N4BP2L1: variants seen among roughly 807,000 people sequenced by gnomAD.
N4BP2L1 encodes the protein NEDD4-binding protein 2-like 1.
A neutral mutation model predicts 21.2 loss-of-function variants in N4BP2L1; 12 were observed. The observed-to-expected ratio is 0.57, with a 90% CI of 0.36 to 0.92. N4BP2L1 has a LOEUF of 0.92. N4BP2L1 is among the 40% of genes least tolerant of loss of function. N4BP2L1 has a pLI of 0.01. For missense variants in N4BP2L1, 259 were observed against 310.6 expected (o/e 0.83, Z 1.25); for synonymous variants, 104 against 112.8 (o/e 0.92, Z 0.49).
rs536168258 is a variant in N4BP2L1 at position 32,400,812 on chromosome 13, C to G, written c.*2130G>C. 1 of 152,260 alleles carries G rather than the reference C, an allele frequency of 6.6e-6. No homozygotes were observed. The highest frequency in any genetic ancestry group is 1.5e-5 in the Non-Finnish European group (1 of 68,018). The allele number at this position is 152,260 out of a possible 1,614,324, so 9.4% of individuals were successfully genotyped here. A position where few individuals can be genotyped will look rare whatever the true frequency, so the allele number is the denominator to read the frequency against. On this transcript the variant is annotated 3_prime_UTR_variant, in exon 5 of 5. Coordinates refer to ENST00000380130, the MANE Select transcript of N4BP2L1 (RefSeq NM_052818.3). Reference sequence around the variant, plus strand: ...GCATTTGCCAGTTCTATGAATGATGCAAACAGCGAACACAATACAAGTCAA... The same window carrying G: ...GCATTTGCCAGTTCTATGAATGATGGAAACAGCGAACACAATACAAGTCAA...
intron 2 of N4BP2L1, 143 bp downstream of exon 2, chr13:32,407,501 AG>A (rs747746513): frequency 1.3e-6 from 2 of 1,582,642 alleles, no homozygotes; most frequent in South Asian, 2.3e-5. Context: ...GAATCTAAGG[AG>A]GTTATGCTCT....
intron 1 of N4BP2L1, among the ~76,000 whole-genome samples, chr13:32,413,529 G>A (rs532056922): frequency 6.6e-6 from 1 of 152,248 alleles, no homozygotes; most frequent in South Asian, 2.1e-4. Context: ...TAAATTCAAT[G>A]CTAAGTTCGA....
At chr13:32,408,644 C>T (rs910068498) in intron 1 of N4BP2L1, among the ~76,000 whole-genome samples, 7 of 152,158 alleles carry the variant, frequency 4.6e-5, no homozygotes, top group African/African-American at 1.4e-4. Context: ...GCTTCCTTTC[C>T]GCATCTGTAA....
In N4BP2L1 at chr13:32,402,789, G is replaced by T. The variant is rs138511137; in HGVS notation, c.*153C>A. 4.6e-5 allele frequency: 64 copies of T among 1,400,396 alleles called. No homozygotes were observed. In the Middle Eastern group the frequency reaches 1.2e-3, roughly 25 times the overall value. The allele number at this position is 1,400,396 out of a possible 1,614,324, so 86.7% of individuals were successfully genotyped here. On this transcript the variant is annotated 3_prime_UTR_variant, in exon 5 of 5. Coordinates refer to ENST00000380130, the MANE Select transcript of N4BP2L1 (RefSeq NM_052818.3). ...TATAGAAGCACTTTAACAAATTTTG[G>T]TGAAGAAAGTGAATATAATGACTTT...
chr13:32,400,991 A>G lies in N4BP2L1; in HGVS notation c.*1951T>C, dbSNP rs2073101225. 6.6e-6 allele frequency: 1 copy of G among 152,222 alleles called. No homozygotes were observed. Among genetic ancestry groups the G allele is most frequent in the Non-Finnish European group, 1.5e-5 (1 of 68,036 alleles). The allele number at this position is 152,222 out of a possible 1,614,324, so 9.4% of individuals were successfully genotyped here. On this transcript the variant is annotated 3_prime_UTR_variant, in exon 5 of 5. Transcript: ENST00000380130. ...CAGCTAGGGAAAGAAGAGACATTAA[A>G]TAGGCCAGGAAACTATTCTTTAGAG...
At chr13:32,404,167 T>A in intron 4 of N4BP2L1, 154 bp downstream of exon 4, 2 of 1,611,912 alleles carry the variant, frequency 1.2e-6, no homozygotes, top group Non-Finnish European at 1.7e-6. Context: ...AGTCTTCACA[T>A]TAATAATTCC....
intron 1 of N4BP2L1, among the ~76,000 whole-genome samples, chr13:32,413,358 T>C (rs910337875): frequency 6.6e-6 from 1 of 152,258 alleles, no homozygotes; most frequent in Non-Finnish European, 1.5e-5. Flanking sequence ...GTCCTCATGC[T>C]GTTTTGGTTT....
chr13:32,427,979 G>A lies in N4BP2L1; in HGVS notation c.104C>T (p.Pro35Leu). The A allele has an allele frequency of 6.4e-7, 1 of 1,553,604 alleles. No individual in the cohort carries two copies. Among genetic ancestry groups the A allele is most frequent in the Non-Finnish European group, 8.7e-7 (1 of 1,151,434 alleles). The change falls in exon 1 of 5, where the codon CCT becomes CTT. Residue 35 changes from proline to leucine, a missense_variant. Coordinates refer to ENST00000380130, the MANE Select transcript of N4BP2L1 (RefSeq NM_052818.3). Reference protein sequence around the residue: ...PPRPPPRGTPPRRHSFRKHLY... With the variant: ...PPRPPPRGTPLRRHSFRKHLY... The stretch of plus-strand genomic sequence containing the variant: ...GTGTTTCCTAAAGCTGTGGCGGCGA[G>A]GAGGTGTCCCCCGCGGGGGCGGCCG...
chr13:32,427,804 C>A, intron 1 of N4BP2L1, 100 bp downstream of exon 1: 2 of 746,188 alleles, frequency 2.7e-6, no homozygotes, highest in Non-Finnish European at 3.6e-6. Flanking sequence ...GCGGCGGGGG[C>A]GCAAGCGGCG....
At chr13:32,425,254 G>A (rs1178795380) in intron 1 of N4BP2L1, 2 of 152,298 alleles carry the variant, frequency 1.3e-5, no homozygotes, top group East Asian at 3.9e-4. Flanking sequence ...CCACACCTGA[G>A]CCTGCCTCTC....
chr13:32,404,097 A>G, intron 4 of N4BP2L1: 2 of 1,515,564 alleles, frequency 1.3e-6, no homozygotes, highest in Non-Finnish European at 1.8e-6. Context: ...CTTTTAAAGG[A>G]CCAAGTCCAA....
intron 1 of N4BP2L1, among the ~76,000 whole-genome samples, chr13:32,413,005 C>A (rs1188078247): frequency 1.3e-5 from 2 of 152,296 alleles, no homozygotes; most frequent in East Asian, 1.9e-4. Flanking sequence ...CTCACTGCAA[C>A]CTCCACCTCC....
chr13:32,421,466 T>A (rs1393748956), intron 1 of N4BP2L1, among the ~76,000 whole-genome samples: 2 of 152,204 alleles, frequency 1.3e-5, no homozygotes, highest in East Asian at 3.8e-4. Context: ...GATGTAGGTA[T>A]GTTTGTCCAT....
chr13:32,418,075 T>C (rs1404677752), intron 1 of N4BP2L1, among the ~76,000 whole-genome samples: 2 of 152,158 alleles, frequency 1.3e-5, no homozygotes, highest in Non-Finnish European at 2.9e-5. Context: ...AGGAGCCAAA[T>C]GTTAATCACC....
chr13:32,415,677 T>C (rs2074097544), intron 1 of N4BP2L1, among the ~76,000 whole-genome samples: 1 of 152,252 alleles, frequency 6.6e-6, no homozygotes, highest in Non-Finnish European at 1.5e-5. Context: ...ATCAGGAGTT[T>C]TTCTTTAATC....
chr13:32,408,121 G>A (rs1419881148), intron 1 of N4BP2L1, among the ~76,000 whole-genome samples: 2 of 152,136 alleles, frequency 1.3e-5, no homozygotes, highest in Non-Finnish European at 2.9e-5. Flanking sequence ...CACCAATCCC[G>A]GTGCCCATTC....
rs1227784347 is a variant in N4BP2L1 at position 32,406,319 on chromosome 13, T to C, written c.396+931A>G. 2 of 152,162 alleles carry C rather than the reference T, an allele frequency of 1.3e-5. 1 individual carries two copies. Among genetic ancestry groups the C allele is most frequent in the Non-Finnish European group, 2.9e-5 (2 of 68,036 alleles). 9.4% of individuals were successfully genotyped at this position (152,162 alleles called of 1,614,324 possible). A position where few individuals can be genotyped will look rare whatever the true frequency, so the allele number is the denominator to read the frequency against. On this transcript the variant is annotated intron_variant, in intron 3 of 4. Transcript: ENST00000380130. ...TGTATGAAAAAAGACCAAATAGACT[T>C]CACAATTAAAGGATAATGTGCACAC...
intron 1 of N4BP2L1, chr13:32,425,034 A>C (rs941125519): frequency 2.0e-5 from 3 of 152,246 alleles, no homozygotes; most frequent in Non-Finnish European, 2.9e-5. Context: ...TTGAAGAAAA[A>C]AATTTTTATT....
intron 4 of N4BP2L1, chr13:32,403,684 A>G (rs1412645776): frequency 3.7e-6 from 2 of 535,596 alleles, no homozygotes; most frequent in Non-Finnish European, 7.6e-6. Flanking sequence ...AATGGGGTCC[A>G]TGAACTCGGA....
Sources: gnomAD v4.1 joint callset for allele counts (sites outside exome capture counted in the v4.1 genomes callset) on GRCh38, gnomAD v4.1.1 for gene constraint, MANE v1.5 for transcripts, NCBI Gene and HGNC (gene_info 2026-07-23, HGNC 2026-07-21) for gene names.